RAB5B: variants seen among roughly 807,000 people sequenced by gnomAD.
RAB5B encodes RAB5B, member RAS oncogene family.
In RAB5B, 11 loss-of-function variants were observed where a neutral mutation model predicts 28.6. The observed-to-expected ratio is 0.38, with a 90% CI of 0.24 to 0.64. The LOEUF (loss-of-function observed/expected upper bound fraction) is 0.64, where lower values mean the gene tolerates loss of function less well. RAB5B is among the 30% of genes least tolerant of loss of function. The probability of loss-of-function intolerance (pLI) is 0.53; values close to 1 mark genes in which losing one functional copy is unlikely to be tolerated. For synonymous variants in RAB5B, 93 were observed against 97.9 expected, an observed-to-expected ratio of 0.95 and a Z score of 0.29; for missense variants, 169 against 265.6, an observed-to-expected ratio of 0.64 and a Z score of 2.53.
At chr12:55,988,350 TA>T (rs1422188856) in intron 2 of RAB5B, among the ~76,000 whole-genome samples, 1 of 152,094 alleles carries the variant, frequency 6.6e-6, no homozygotes, top group African/African-American at 2.4e-5. Context: ...AAAAATCTGG[TA>T]AAATAGAGGC....
chr12:55,975,825 C>T (rs1889631035), intron 1 of RAB5B, among the ~76,000 whole-genome samples: 1 of 127,892 alleles, frequency 7.8e-6, no homozygotes, highest in South Asian at 2.7e-4. Flanking sequence ...GACGGAGTCT[C>T]ACTGCAACCT....
At position 55,986,897 on chromosome 12, in the gene RAB5B, C is replaced by T. The variant is rs1565788027; in HGVS notation, c.-64C>T. 9 of 464,538 alleles carry T rather than the reference C, an allele frequency of 1.9e-5. No individual in the cohort carries two copies. Among genetic ancestry groups the T allele is most frequent in the Admixed American group, 6.5e-5 (2 of 30,880 alleles). The allele number at this position is 464,538 out of a possible 1,614,324, so 28.8% of individuals were successfully genotyped here. On this transcript the variant is annotated 5_prime_UTR_variant, in exon 2 of 6. Coordinates refer to ENST00000360299, the MANE Select transcript of RAB5B (RefSeq NM_002868.4). The stretch of plus-strand genomic sequence containing the variant: ...TGTTGAAGCCTGGAAATCCCCTCCC[C>T]TTCCCCCTCCCCCCTTTACAGTATC...
chr12:55,978,516 A>AT (rs1196225043), intron 1 of RAB5B, among the ~76,000 whole-genome samples: 1 of 152,014 alleles, frequency 6.6e-6, no homozygotes, highest in African/African-American at 2.4e-5. Flanking sequence ...GAAAAAAAAA[A>AT]AAGAACCCAA....
intron 2 of RAB5B, among the ~76,000 whole-genome samples, chr12:55,987,692 G>T (rs778042997): frequency 1.3e-5 from 2 of 151,710 alleles, no homozygotes; most frequent in Non-Finnish European, 2.9e-5. Flanking sequence ...TTAGCCAGGC[G>T]TGGTGGCAGG....
intron 2 of RAB5B, 53 bp from the exon 3 acceptor site, chr12:55,989,894 T>A (rs1392259082): frequency 1.9e-6 from 3 of 1,557,724 alleles, no homozygotes; most frequent in East Asian, 4.5e-5. Context: ...GGAGGGATGT[T>A]CCCATTCATC....
chr12:55,991,479 T>C (rs753702981), intron 5 of RAB5B, 26 bp downstream of exon 5: 2 of 1,581,554 alleles, frequency 1.3e-6, no homozygotes, highest in Non-Finnish European at 1.7e-6. Context: ...CCTGAGGTCC[T>C]CCTTTTTCCC....
At chr12:55,990,830 C>T in intron 4 of RAB5B, 26 bp downstream of exon 4, 1 of 1,610,690 alleles carries the variant, frequency 6.2e-7, no homozygotes. Flanking sequence ...GAGTTCCTCT[C>T]TAACACTTCC....
At chr12:55,989,619 G>A (rs1022363930) in intron 2 of RAB5B, among the ~76,000 whole-genome samples, 2 of 152,180 alleles carry the variant, frequency 1.3e-5, no homozygotes, top group Non-Finnish European at 1.5e-5. Flanking sequence ...TTTATCTGAA[G>A]CTATTTTCTC....
At chr12:55,980,476 A>C in intron 1 of RAB5B, 1 of 1,591,704 alleles carries the variant, frequency 6.3e-7, no homozygotes, top group Non-Finnish European at 8.6e-7. Flanking sequence ...TCAGGTCAGT[A>C]CTGGGAGGCT....
At chr12:55,977,282 C>G (rs1565785012) in intron 1 of RAB5B, among the ~76,000 whole-genome samples, 1 of 150,862 alleles carries the variant, frequency 6.6e-6, no homozygotes, top group Non-Finnish European at 1.5e-5. Flanking sequence ...GCCGTGTGTG[C>G]GTGTGTGTGT....
rs1475686103 is a variant in RAB5B, at chr12:55,994,638, G to A, written c.*2426G>A. 2.0e-5 allele frequency: 3 copies of A among 152,190 alleles called. No individual in the cohort carries two copies. The highest frequency in any genetic ancestry group is 4.8e-5 in the African/African-American group (2 of 41,296). 9.4% of individuals were successfully genotyped at this position (152,190 alleles called of 1,614,324 possible). On this transcript the variant is annotated 3_prime_UTR_variant, in exon 6 of 6. Transcript: ENST00000360299. ...TTCTTCCTCTCCCAACATAACAATC[G>A]TGGTAACAGAATGCGACTGCTGATT... is the stretch of plus-strand genomic sequence containing the variant.
At chr12:55,980,366 T>G in intron 1 of RAB5B, 1 of 1,373,418 alleles carries the variant, frequency 7.3e-7, no homozygotes. Context: ...GCTCACTCCC[T>G]CTGCTGTTGT....
chr12:55,983,453 A>G (rs1046983202), intron 1 of RAB5B, among the ~76,000 whole-genome samples: 1 of 152,208 alleles, frequency 6.6e-6, no homozygotes, highest in Non-Finnish European at 1.5e-5. Flanking sequence ...TCCTTTCGTC[A>G]TAGGCCATTG....
In RAB5B at chr12:55,992,238, T is replaced by C. The variant is rs767153992; in HGVS notation, c.*26T>C. ...GGGGGTGGCTAGCAGCAAACAAGTA[T>C]GGAGCTAGCACAAGAGCTAAGAAAT... is the stretch of plus-strand genomic sequence containing the variant. On this transcript the variant is annotated 3_prime_UTR_variant, in exon 6 of 6. Transcript: ENST00000360299. The C allele has an allele frequency of 1.3e-6, 2 of 1,561,350 alleles. No homozygotes were observed. The highest frequency in any genetic ancestry group is 2.2e-5 in the South Asian group (2 of 89,896).
chr12:55,974,795 T>G (rs1223948148), intron 1 of RAB5B, among the ~76,000 whole-genome samples: 2 of 152,096 alleles, frequency 1.3e-5, no homozygotes, highest in Non-Finnish European at 2.9e-5. Context: ...TGGGAACTTC[T>G]GGGAATGCTG....
Position 55,986,622 on chromosome 12 carries a change from ACT to A in RAB5B, c.-92-243_-92-242del, listed in dbSNP as rs555833753. ...GTGGGGAATTACTGGGGAATTAAAAACTCTCAGTTTTCAGTCTCTCTATTTCG... is the reference window on the plus strand; with the variant it reads ...GTGGGGAATTACTGGGGAATTAAAAACTCAGTTTTCAGTCTCTCTATTTCG... On this transcript the variant is annotated intron_variant, in intron 1 of 5. Transcript: ENST00000360299. 1.5e-4 allele frequency among the ~76,000 whole-genome samples: 22 copies of A among 151,450 alleles called. No individual in the cohort carries two copies. In the East Asian group the frequency reaches 4.1e-3, roughly 28 times the overall value.
chr12:55,993,988 AAAGAAAGG>A lies in RAB5B; in HGVS notation c.*1779_*1786del, dbSNP rs1890213942. The stretch of plus-strand genomic sequence containing the variant: ...GTTCCAGCCCGGAGTTTTGGGAAAG[AAAGAAAGG>A]AAAGGTCACAGTGACCTAGGATTGG... On this transcript the variant is annotated 3_prime_UTR_variant, in exon 6 of 6. Transcript: ENST00000360299. 6.6e-6 allele frequency: 1 copy of A among 152,570 alleles called. No individual in the cohort carries two copies. The highest frequency in any genetic ancestry group is 2.4e-5 in the African/African-American group (1 of 41,440). 9.5% of individuals were successfully genotyped at this position (152,570 alleles called of 1,614,324 possible).
intron 1 of RAB5B, chr12:55,985,514 CAG>C (rs1889927970): frequency 3.8e-6 from 1 of 265,334 alleles, no homozygotes; most frequent in East Asian, 1.1e-4. Context: ...CCTTTCCGCT[CAG>C]AGTCAGGATG....
chr12:55,988,335 CA>C (rs561031173), intron 2 of RAB5B, among the ~76,000 whole-genome samples: 1 of 150,578 alleles, frequency 6.6e-6, no homozygotes, highest in African/African-American at 2.4e-5. Flanking sequence ...GTTTCAAAAA[CA>C]AAAAAAAATC....
Sources: allele counts gnomAD v4.1 joint callset (sites outside exome capture counted in the v4.1 genomes callset), GRCh38; gene constraint gnomAD v4.1.1; transcripts MANE v1.5; gene names NCBI Gene and HGNC (gene_info 2026-07-23, HGNC 2026-07-21).